CTNNBL1: variants seen among roughly 807,000 people sequenced by gnomAD.
CTNNBL1 encodes catenin beta like 1, also known as beta-catenin-like protein 1.
CTNNBL1 carries 31 observed loss-of-function variants against 72.7 expected under a neutral mutation model. The observed-to-expected ratio is 0.43, with a 90% confidence interval of 0.32 to 0.58. The LOEUF (loss-of-function observed/expected upper bound fraction) is 0.58, where lower values mean the gene tolerates loss of function less well. Ranked by LOEUF, CTNNBL1 falls within the 20% of genes least tolerant of loss-of-function variation. The pLI, the probability that CTNNBL1 is intolerant of heterozygous loss-of-function variation, is 0.08. For synonymous variants in CTNNBL1, 240 were observed against 267.3 expected (o/e 0.90, Z 1.00); for missense variants, 534 against 725.1 (o/e 0.74, Z 3.03).
chr20:37,748,294 A>G (rs919453287), intron 4 of CTNNBL1, among the ~76,000 whole-genome samples: 2 of 152,238 alleles, frequency 1.3e-5, no homozygotes, highest in Non-Finnish European at 2.9e-5. Flanking sequence ...GTCTTAAGAC[A>G]TTTCTGATGC....
chr20:37,697,041 G>A (rs1219361773), intron 1 of CTNNBL1, among the ~76,000 whole-genome samples: 1 of 151,770 alleles, frequency 6.6e-6, no homozygotes, highest in African/African-American at 2.4e-5. Flanking sequence ...AAATTAGCCG[G>A]GCGTGGTGGT....
chr20:37,797,519 T>C (rs1305782653), intron 10 of CTNNBL1, among the ~76,000 whole-genome samples: 1 of 152,200 alleles, frequency 6.6e-6, no homozygotes, highest in Non-Finnish European at 1.5e-5. Flanking sequence ...GATTAATTAC[T>C]GCACATAGAT....
At chr20:37,871,206 T>A (rs980503487) in intron 15 of CTNNBL1, among the ~76,000 whole-genome samples, 2 of 152,188 alleles carry the variant, frequency 1.3e-5, no homozygotes, top group Admixed American at 1.3e-4. Context: ...CTAGTAAGTT[T>A]CCATGCAGTG....
In CTNNBL1 at chr20:37,731,545, T is replaced by C. The variant is rs143490116; in HGVS notation, c.31-1334T>C. On this transcript the variant is annotated intron_variant, in intron 1 of 15. Coordinates refer to ENST00000361383, the MANE Select transcript of CTNNBL1 (RefSeq NM_030877.5). ...CCACCGCACCCGGCCTTACTGAAAC[T>C]TATACTCTTTAGTCAACATTTCCCT... Among the ~76,000 whole-genome samples the C allele has an allele frequency of 3.6e-3, 542 of 152,282 alleles. 4 individuals are homozygous for C. Among genetic ancestry groups the C allele is most frequent in the African/African-American group, 0.012 (510 of 41,556 alleles).
At chr20:37,784,706 G>T (rs2073656828) in intron 10 of CTNNBL1, among the ~76,000 whole-genome samples, 1 of 152,150 alleles carries the variant, frequency 6.6e-6, no homozygotes, top group South Asian at 2.1e-4. Context: ...GTCTTGAAAA[G>T]TTGTTGTAAT....
intron 1 of CTNNBL1, chr20:37,727,290 TTC>T (rs1272032621): frequency 4.6e-5 from 45 of 969,846 alleles, no homozygotes; most frequent in Non-Finnish European, 5.5e-5. Context: ...ATGTCTTGAT[TTC>T]TGTTTTCAGG....
intron 13 of CTNNBL1, among the ~76,000 whole-genome samples, chr20:37,844,935 G>A (rs1195446710): frequency 4.6e-5 from 7 of 152,132 alleles, no homozygotes; most frequent in African/African-American, 1.4e-4. Context: ...GTGACAGAGC[G>A]AGACCCTGTC....
chr20:37,757,056 A>T (rs974445331), intron 4 of CTNNBL1: 1 of 152,324 alleles, frequency 6.6e-6, no homozygotes, highest in Non-Finnish European at 1.5e-5. Flanking sequence ...GTTGGTGGGG[A>T]CTAGCCCAAT....
intron 11 of CTNNBL1, among the ~76,000 whole-genome samples, chr20:37,804,943 G>C (rs570270823): frequency 5.3e-5 from 8 of 152,360 alleles, no homozygotes; most frequent in African/African-American, 1.9e-4. Context: ...TGTTCAGGCT[G>C]TAATGGCTGG....
intron 4 of CTNNBL1, chr20:37,750,581 T>G (rs899868168): frequency 3.3e-5 from 5 of 152,188 alleles, no homozygotes; most frequent in Admixed American, 6.5e-5. Context: ...TGGACTGCTT[T>G]AAGCCAGATT....
intron 11 of CTNNBL1, among the ~76,000 whole-genome samples, chr20:37,812,583 C>A (rs550615455): frequency 6.6e-6 from 1 of 152,210 alleles, no homozygotes; most frequent in Non-Finnish European, 1.5e-5. Flanking sequence ...ACTGCCCTTG[C>A]AGAGGGTCTA....
chr20:37,786,624 C>T (rs238308), intron 10 of CTNNBL1, among the ~76,000 whole-genome samples: 78,111 of 151,838 alleles, frequency 0.51, 22,673 homozygotes, highest in East Asian at 0.82. Context: ...GTCTACAATG[C>T]TTGTAGCATT....
In CTNNBL1 at chr20:37,841,465, C is replaced by A. The variant is rs573290461; in HGVS notation, c.1312-874C>A. Among the ~76,000 whole-genome samples the A allele has an allele frequency of 5.9e-5, 9 of 152,222 alleles. No individual in the cohort carries two copies. In the East Asian group the frequency reaches 1.5e-3, roughly 26 times the overall value. ...GGTCATGAAAATACTTTATAAGCTG[C>A]AACATTAAGGTCTTAGGGTCATCAG... On this transcript the variant is annotated intron_variant, in intron 12 of 15. Coordinates refer to ENST00000361383, the MANE Select transcript of CTNNBL1 (RefSeq NM_030877.5).
intron 3 of CTNNBL1, among the ~76,000 whole-genome samples, chr20:37,738,126 A>G (rs2073185306): frequency 6.6e-6 from 1 of 152,244 alleles, no homozygotes; most frequent in Admixed American, 6.5e-5. Context: ...TTCAGTGCCC[A>G]AAGAAGACTG....
chr20:37,799,218 G>A (rs2073803046), intron 10 of CTNNBL1, among the ~76,000 whole-genome samples: 1 of 152,050 alleles, frequency 6.6e-6, no homozygotes, highest in South Asian at 2.1e-4. Context: ...TCACATTGCT[G>A]CCAGATTAAG....
chr20:37,838,534 A>G (rs112770512), intron 11 of CTNNBL1, among the ~76,000 whole-genome samples: 3 of 152,302 alleles, frequency 2.0e-5, no homozygotes, highest in Non-Finnish European at 4.4e-5. Context: ...AGTTAGATGG[A>G]AACAACTATG....
At chr20:37,700,335 C>T (rs908833512) in intron 1 of CTNNBL1, among the ~76,000 whole-genome samples, 1 of 152,114 alleles carries the variant, frequency 6.6e-6, no homozygotes, top group Non-Finnish European at 1.5e-5. Flanking sequence ...CATGCAGTGT[C>T]AAGAAATGTT....
chr20:37,772,563 T>C (rs2073535138), intron 7 of CTNNBL1, among the ~76,000 whole-genome samples: 1 of 152,138 alleles, frequency 6.6e-6, no homozygotes, highest in Non-Finnish European at 1.5e-5. Context: ...TTAGCCAGGA[T>C]GGTATCGATC....
intron 1 of CTNNBL1, among the ~76,000 whole-genome samples, chr20:37,694,738 C>G (rs898883319): frequency 1.3e-5 from 2 of 152,214 alleles, no homozygotes; most frequent in Non-Finnish European, 2.9e-5. Context: ...GTTGGGAATT[C>G]TAGCATGGAA....
Sources: gnomAD v4.1 joint callset for allele counts (sites outside exome capture counted in the v4.1 genomes callset) on GRCh38, gnomAD v4.1.1 for gene constraint, MANE v1.5 for transcripts, NCBI Gene and HGNC (gene_info 2026-07-23, HGNC 2026-07-21) for gene names.